MYH1: variants seen among roughly 807,000 people sequenced by gnomAD.
MYH1 encodes myosin heavy chain 1, also known as myosin-1.
A neutral mutation model predicts 225.6 loss-of-function variants in MYH1; 214 were observed. The observed-to-expected ratio is 0.95, with a 90% CI of 0.85 to 1.06. MYH1 has a LOEUF of 1.06. Ranked by LOEUF, MYH1 falls within the 50% of genes least tolerant of loss-of-function variation. MYH1 has a pLI of 0.00. For missense variants in MYH1, 2,098 were observed against 2,344.2 expected, an observed-to-expected ratio of 0.89 and a Z score of 2.17; for synonymous variants, 774 against 842.3, an observed-to-expected ratio of 0.92 and a Z score of 1.40.
At chr17:10,494,908 T>A (rs934578795) in intron 37 of MYH1, 23 bp downstream of exon 37, 7 of 1,614,064 alleles carry the variant, frequency 4.3e-6, no homozygotes, top group Non-Finnish European at 5.9e-6. Flanking sequence ...GAGATAGAAA[T>A]ACATGCTGAT....
chr17:10,500,852 T>G, intron 27 of MYH1, 100 bp from the exon 28 acceptor site: 1 of 1,528,018 alleles, frequency 6.5e-7, no homozygotes, highest in Non-Finnish European at 8.9e-7. Flanking sequence ...TACTCATTTA[T>G]TTTGAGAAGA....
chr17:10,499,224 T>A, intron 28 of MYH1, 132 bp from the exon 29 acceptor site: 1 of 751,248 alleles, frequency 1.3e-6, no homozygotes, highest in Non-Finnish European at 2.3e-6. Flanking sequence ...ACCACCAACA[T>A]CCGCTTTAAC....
chr17:10,509,385 C>T, intron 15 of MYH1, 100 bp downstream of exon 15: 1 of 1,559,164 alleles, frequency 6.4e-7, no homozygotes, highest in Non-Finnish European at 8.7e-7. Flanking sequence ...ATGTTTTTCA[C>T]AAGTAGAAAT....
rs761837288 is a variant in MYH1 at position 10,503,022 on chromosome 17, T to C, written c.2918A>G (p.His973Arg). 7.4e-6 allele frequency: 12 copies of C among 1,613,894 alleles called. No individual in the cohort carries two copies. The highest frequency in any genetic ancestry group is 1.0e-5 in the Non-Finnish European group (12 of 1,179,962). Residue 973 changes from histidine (H) to arginine (R), a missense_variant, in exon 23 of 40, where the codon CAT (histidine) becomes CGT (arginine). Physicochemically the swap from His to Arg is conservative, Grantham distance 29. Coordinates refer to ENST00000226207, the MANE Select transcript of MYH1 (RefSeq NM_005963.4). Reference protein sequence around the residue: ...LTLAKVEKEKHATENKVKNLT... With the variant: ...LTLAKVEKEKRATENKVKNLT... ...GATTGATACCTTGTTTTCTGTGGCA[T>C]GTTTCTCCTTCTCAACCTTGGCCAG...
In MYH1 at chr17:10,496,122, C is replaced by T. The variant is rs769510752; in HGVS notation, c.4997G>A (p.Arg1666Gln). 12 of 1,614,020 alleles carry T rather than the reference C, an allele frequency of 7.4e-6. No individual in the cohort carries two copies. The highest frequency in any genetic ancestry group is 2.7e-5 in the African/African-American group (2 of 74,904). ...CTGTTCCTTCAGGTCCTCCTGGCTC[C>T]GGAGAGCATCATCCAGGTGGAGCTG... Reference protein sequence around the residue: ...DTQLHLDDALRSQEDLKEQLA... With the variant: ...DTQLHLDDALQSQEDLKEQLA... The change falls in exon 35 of 40, where the codon CGG (arginine) becomes CAG (glutamine). Residue 1666 changes from arginine (R) to glutamine (Q), a missense_variant. Transcript: ENST00000226207.
In MYH1 at chr17:10,518,329, C is replaced by A. The variant is rs192210835; in HGVS notation, c.-71-59G>T. ...ATTATAACAATTCCCGATTATAGAA[C>A]AATTCTTAACTGAGAACCAGGAAAT... On this transcript the variant is annotated intron_variant, in intron 1 of 39. Transcript: ENST00000226207. 2.0e-5 allele frequency: 3 copies of A among 152,276 alleles called. No homozygotes were observed. The East Asian group carries it at 5.8e-4, about 29-fold the overall frequency. The allele number at this position is 152,276 out of a possible 1,614,324, so 9.4% of individuals were successfully genotyped here. A position where few individuals can be genotyped will look rare whatever the true frequency, so the allele number is the denominator to read the frequency against.
intron 24 of MYH1, among the ~76,000 whole-genome samples, chr17:10,502,456 G>T (rs1432468531): frequency 6.6e-6 from 1 of 152,166 alleles, no homozygotes; most frequent in Non-Finnish European, 1.5e-5. Flanking sequence ...CCCAGCGAAA[G>T]ACCTGTTTTG....
In MYH1 at chr17:10,513,866, G is replaced by A. The variant is rs757608948; in HGVS notation, c.696C>T (p.Ala232=). ...TCCTCACGGTCTTGGCGTTGCCAAA[G>A]GCCTCCAGTAGGGGGTTGGCACTGA... ...QIISANPLLE[A]FGNAKTVRND... is the part of the protein sequence containing the mutation. The change falls in exon 8 of 40, where the codon GCC becomes GCT. Residue 232 remains alanine, a synonymous_variant. Transcript: ENST00000226207. 6.8e-6 allele frequency: 11 copies of A among 1,614,040 alleles called. No homozygotes were observed. Among genetic ancestry groups the A allele is most frequent in the Middle Eastern group, 1.6e-4 (1 of 6,084 alleles).
intron 14 of MYH1, 86 bp from the exon 15 acceptor site, chr17:10,509,741 G>C: frequency 2.5e-6 from 4 of 1,609,196 alleles, no homozygotes; most frequent in Non-Finnish European, 3.4e-6. Flanking sequence ...TAGCCAAATT[G>C]CCCTCTTAGG....
At chr17:10,498,057 T>A in intron 30 of MYH1, 140 bp from the exon 31 acceptor site, 2 of 807,708 alleles carry the variant, frequency 2.5e-6, no homozygotes, top group Non-Finnish European at 3.7e-6. Flanking sequence ...AGTTCTATAT[T>A]AACTCATTCC....
chr17:10,506,851 A>T (rs888415965), intron 17 of MYH1, among the ~76,000 whole-genome samples: 2 of 152,168 alleles, frequency 1.3e-5, no homozygotes, highest in South Asian at 4.1e-4. Flanking sequence ...TCAAATGTGT[A>T]TTCCTTGCCA....
chr17:10,509,421 T>G, intron 15 of MYH1, 64 bp downstream of exon 15: 1 of 1,603,636 alleles, frequency 6.2e-7, no homozygotes, highest in Non-Finnish European at 8.5e-7. Context: ...ATATCAAGAT[T>G]TTATGATTTT....
chr17:10,505,776 A>T (rs757462885), intron 19 of MYH1, 36 bp downstream of exon 19: 18 of 1,611,406 alleles, frequency 1.1e-5, no homozygotes, highest in Non-Finnish European at 1.4e-5. Context: ...AAGTAATAAA[A>T]ACCTCTTAAA....
At chr17:10,511,689 C>G (rs768438716) in intron 14 of MYH1, 150 bp downstream of exon 14, 19 of 1,270,378 alleles carry the variant, frequency 1.5e-5, no homozygotes, top group Non-Finnish European at 2.0e-5. Context: ...CTTTCACGGT[C>G]TTTTGGTGCT....
chr17:10,512,061 G>A lies in MYH1; in HGVS notation c.1266+13C>T. On this transcript the variant is annotated intron_variant, in intron 13 of 39. Coordinates refer to ENST00000226207, the MANE Select transcript of MYH1 (RefSeq NM_005963.4). Reference sequence around the variant, plus strand: ...CCTGGGATGTGTGTGATTCATTGAGGTCATGCACTTACCTGCTGCACAGTT... The same window carrying A: ...CCTGGGATGTGTGTGATTCATTGAGATCATGCACTTACCTGCTGCACAGTT... The A allele has an allele frequency of 6.2e-7, 1 of 1,613,924 alleles. No individual in the cohort carries two copies. Among genetic ancestry groups the A allele is most frequent in the Non-Finnish European group, 8.5e-7 (1 of 1,179,772 alleles).
chr17:10,492,749 A>G (rs763320471), intron 39 of MYH1, among the ~76,000 whole-genome samples, 181 bp from the exon 40 acceptor site: 1 of 151,974 alleles, frequency 6.6e-6, no homozygotes, highest in Non-Finnish European at 1.5e-5. Context: ...TCTTGAACTC[A>G]TAGATAACAA....
intron 24 of MYH1, 62 bp downstream of exon 24, chr17:10,502,676 C>G: frequency 1.2e-6 from 2 of 1,612,028 alleles, no homozygotes; most frequent in Non-Finnish European, 1.7e-6. Flanking sequence ...ACGACACAAA[C>G]TTATGCTTAC....
Position 10,496,225 on chromosome 17 carries a change from T to C in MYH1, c.4965+16A>G, listed in dbSNP as rs375424180. 3.1e-6 allele frequency: 5 copies of C among 1,614,206 alleles called. No individual in the cohort carries two copies. The highest frequency in any genetic ancestry group is 1.1e-5 in the South Asian group (1 of 91,086). On this transcript the variant is annotated intron_variant, in intron 34 of 39. Transcript: ENST00000226207. ...GCACCCCAATTGTCCTGGGATCATCTGTTGGACATATTTACCTTGAGGATG... is the reference window on the plus strand; with the variant it reads ...GCACCCCAATTGTCCTGGGATCATCCGTTGGACATATTTACCTTGAGGATG...
In MYH1 at chr17:10,497,311, T is replaced by A; in HGVS notation, c.4507A>T (p.Lys1503Ter). 1 of 1,605,394 alleles carries A rather than the reference T, an allele frequency of 6.2e-7. No homozygotes were observed. Among genetic ancestry groups the A allele is most frequent in the Non-Finnish European group, 8.5e-7 (1 of 1,177,976 alleles). ...EESLDQLETL[K>*]RENKNLQQEI... ...CGTTGCAAATTCTTATTTTCCCGTTTCAAGGTTTCAAGTTGGTCTAAAGAT... is the reference window on the plus strand; with the variant it reads ...CGTTGCAAATTCTTATTTTCCCGTTACAAGGTTTCAAGTTGGTCTAAAGAT... The change falls in exon 32 of 40, where the codon AAA becomes TAA. Residue 1503 changes from lysine (K) to a stop codon, truncating the protein, a stop_gained. Coordinates refer to ENST00000226207, the MANE Select transcript of MYH1 (RefSeq NM_005963.4). LOFTEE classifies it high-confidence loss of function.
Sources: gnomAD v4.1 joint callset for allele counts (sites outside exome capture counted in the v4.1 genomes callset) on GRCh38, gnomAD v4.1.1 for gene constraint, MANE v1.5 for transcripts, NCBI Gene and HGNC (gene_info 2026-07-23, HGNC 2026-07-21) for gene names.